DPP6: variants seen among roughly 807,000 people sequenced by gnomAD.
DPP6 encodes A-type potassium channel modulatory protein DPP6.
Under a neutral mutation model 122.6 loss-of-function variants are expected in DPP6, and 69 were observed. The observed-to-expected ratio is 0.56, with a 90% CI of 0.46 to 0.69. The LOEUF is 0.69. DPP6 is among the 30% of genes least tolerant of loss of function. The pLI is 0.00. For missense variants in DPP6, 928 were observed against 1,116.9 expected (o/e 0.83, Z 2.41); for synonymous variants, 418 against 433.1 (o/e 0.97, Z 0.43).
rs563822963 is a variant in DPP6, at chr7:153,894,464, G to C, written c.51+6730G>C. ...GCAGAATTCCCCCTTTACCATTGTG[G>C]CTTCCTGGGATGATGGGAGAAAGGG... On this transcript the variant is annotated intron_variant, in intron 1 of 25. Coordinates refer to the DPP6 transcript ENST00000404039. Among the ~76,000 whole-genome samples, 307 of 152,196 alleles carry C rather than the reference G, an allele frequency of 2.0e-3. 4 individuals are homozygous for C. Among genetic ancestry groups the C allele is most frequent in the East Asian group, 1.4e-3 (7 of 5,162 alleles).
chr7:153,822,111 C>T, the DPP6 span, among the ~76,000 whole-genome samples: 1 of 151,214 alleles, frequency 6.6e-6, no homozygotes, highest in African/African-American at 2.4e-5. Flanking sequence ...GATCCCCAAA[C>T]TCCATTTTTT....
intron 20 of DPP6, among the ~76,000 whole-genome samples, chr7:154,878,642 C>T (rs115606401): frequency 1.0e-3 from 153 of 152,332 alleles, no homozygotes; most frequent in African/African-American, 3.2e-3. Context: ...ATATCCTCAC[C>T]GAGGAGCCCA....
At chr7:154,774,801 A>G (rs1267271594) in intron 10 of DPP6, among the ~76,000 whole-genome samples, 1 of 152,186 alleles carries the variant, frequency 6.6e-6, no homozygotes, top group Non-Finnish European at 1.5e-5. Context: ...TGAACCATGG[A>G]GTTCACAGTG....
At chr7:154,530,172 A>G (rs1675153404) in intron 3 of DPP6, among the ~76,000 whole-genome samples, 1 of 152,122 alleles carries the variant, frequency 6.6e-6, no homozygotes, top group Non-Finnish European at 1.5e-5. Context: ...AATTATTCAA[A>G]ATGAACAGGG....
At chr7:154,716,515 G>A (rs10259988) in intron 7 of DPP6, among the ~76,000 whole-genome samples, 34,623 of 151,908 alleles carry the variant, frequency 0.23, 6,144 homozygotes, top group African/African-American at 0.49. Flanking sequence ...CCTCTAAAGC[G>A]TTCCTTCTTC....
chr7:154,376,157 C>T (rs114318736), intron 1 of DPP6, among the ~76,000 whole-genome samples: 1,608 of 152,258 alleles, frequency 0.011, 32 homozygotes, highest in African/African-American at 0.036. Flanking sequence ...GGGTAATTTG[C>T]TGGCCATGTG....
At chr7:154,050,827 A>G (rs1251740974), upstream of DPP6, among the ~76,000 whole-genome samples, 107 of 139,442 alleles carry the variant, frequency 7.7e-4, no homozygotes, top group African/African-American at 2.8e-3. Flanking sequence ...ATGTTTCTTC[A>G]TAGTAAAGGG....
At chr7:153,943,631 A>C (rs926205360) in intron 1 of DPP6, among the ~76,000 whole-genome samples, 5 of 152,142 alleles carry the variant, frequency 3.3e-5, no homozygotes, top group African/African-American at 1.2e-4. Flanking sequence ...CTCAGTTGCA[A>C]ACACCCCCAG....
intron 1 of DPP6, among the ~76,000 whole-genome samples, chr7:153,930,983 A>G (rs903814316): frequency 2.0e-5 from 3 of 152,236 alleles, no homozygotes; most frequent in Admixed American, 6.5e-5. Flanking sequence ...TCTGAAAGCA[A>G]TTCTCTAAAA....
At chr7:154,313,685 G>GTGTGTGTGTGTA in intron 1 of DPP6, among the ~76,000 whole-genome samples, 1,958 of 20,444 alleles carry the variant, frequency 0.096, 444 homozygotes, top group Middle Eastern at 0.25. Context: ...TTAAGATATG[G>GTGTGTGTGTGTA]TATATATATA....
chr7:154,355,874 C>T (rs548006894), intron 1 of DPP6, among the ~76,000 whole-genome samples: 103 of 152,278 alleles, frequency 6.8e-4, no homozygotes, highest in African/African-American at 2.4e-3. Flanking sequence ...CACACACATA[C>T]TCACTCACAT....
chr7:154,405,583 T>C (rs1816016816), intron 1 of DPP6, among the ~76,000 whole-genome samples: 1 of 151,536 alleles, frequency 6.6e-6, no homozygotes, highest in Admixed American at 6.6e-5. Flanking sequence ...TAGGGAGTGG[T>C]ATTTCCCACT....
rs115413454 is a variant in DPP6, at chr7:154,759,870, G to A, written c.884-9547G>A. Among the ~76,000 whole-genome samples, 764 of 152,240 alleles carry A rather than the reference G, an allele frequency of 5.0e-3. 4 individuals are homozygous for A. The highest frequency in any genetic ancestry group is 0.017 in the African/African-American group (696 of 41,544). On this transcript the variant is annotated intron_variant, in intron 8 of 25. Transcript: ENST00000377770. ...AGTCTATTCCCAGCTGGGCGTGGTG[G>A]CTCATGGCCTTGGGAGGCCAAGGAG...
At position 154,877,925 on chromosome 7, in the gene DPP6, C is replaced by A. The variant is rs1411561734; in HGVS notation, c.2078+1825C>A. Among the ~76,000 whole-genome samples the A allele has an allele frequency of 6.6e-6, 1 of 152,198 alleles. No individual in the cohort carries two copies. The highest frequency in any genetic ancestry group is 1.5e-5 in the Non-Finnish European group (1 of 68,032). On this transcript the variant is annotated intron_variant, in intron 20 of 25. Coordinates refer to ENST00000377770, the MANE Select transcript of DPP6 (RefSeq NM_130797.4). This position sits in a 1 kb window ranked among gnomAD's most constrained non-coding sequence, Gnocchi z 5.2. Reference sequence around the variant, plus strand: ...GGGTGGCTGCTGGGTCAGCAGCGGGCAGTGCCAGCCACAGAGGACTCCCAG... The same window carrying A: ...GGGTGGCTGCTGGGTCAGCAGCGGGAAGTGCCAGCCACAGAGGACTCCCAG...
chr7:154,251,140 C>T (rs1430549833), intron 1 of DPP6, among the ~76,000 whole-genome samples: 2 of 152,174 alleles, frequency 1.3e-5, no homozygotes, highest in Non-Finnish European at 2.9e-5. Flanking sequence ...GTTTCTCTTC[C>T]CTTAACGATC....
chr7:154,108,679 G>A (rs1397706885), intron 1 of DPP6, among the ~76,000 whole-genome samples: 1 of 152,192 alleles, frequency 6.6e-6, no homozygotes, highest in Non-Finnish European at 1.5e-5. Flanking sequence ...GGAGGAAACA[G>A]CCAGACAAAT....
intron 3 of DPP6, among the ~76,000 whole-genome samples, chr7:154,512,028 A>G (rs1347793912): frequency 3.3e-5 from 5 of 152,220 alleles, no homozygotes; most frequent in Admixed American, 1.3e-4. Context: ...AAATTGGTCT[A>G]GTAACTAATG....
the DPP6 span, among the ~76,000 whole-genome samples, chr7:153,833,488 A>G: frequency 6.6e-6 from 1 of 152,172 alleles, no homozygotes; most frequent in Admixed American, 6.5e-5. Flanking sequence ...AGCCTGGCCA[A>G]CATGGCAAAA....
intron 1 of DPP6, among the ~76,000 whole-genome samples, chr7:154,225,340 T>A (rs926832607): frequency 2.0e-5 from 3 of 152,118 alleles, no homozygotes; most frequent in East Asian, 3.9e-4. Context: ...GAAGACATTA[T>A]ACAGCCTATA....
Sources: allele counts gnomAD v4.1 joint callset (sites outside exome capture counted in the v4.1 genomes callset), GRCh38; gene constraint gnomAD v4.1.1; non-coding constraint Gnocchi (gnomAD v3.1); transcripts MANE v1.5; gene names NCBI Gene and HGNC (gene_info 2026-07-23, HGNC 2026-07-21).